The following CDH12 variants were observed in gnomAD, a reference collection of about 807,000 sequenced individuals.
The protein encoded by CDH12 is cadherin 12, also known as cadherin-12.
A neutral mutation model predicts 74.1 loss-of-function variants in CDH12; 41 were observed. That is an observed-to-expected ratio of 0.55 (90% confidence interval 0.43 to 0.72). The LOEUF (loss-of-function observed/expected upper bound fraction) is 0.72. CDH12 is among the 30% of genes least tolerant of loss of function. The pLI is 0.00. For missense variants in CDH12, 945 were observed against 977.2 expected (o/e 0.97, Z 0.44); for synonymous variants, 399 against 355.0 (o/e 1.12, Z -1.39).
At chr5:22,759,209 CA>C (rs909792025) in intron 1 of CDH12, among the ~76,000 whole-genome samples, 1 of 148,902 alleles carries the variant, frequency 6.7e-6, no homozygotes, top group Non-Finnish European at 1.5e-5. Context: ...AAAAAAAAAA[CA>C]AAAAAAAACT....
At chr5:22,107,356 T>G (rs1744519635) in intron 4 of CDH12, among the ~76,000 whole-genome samples, 1 of 151,750 alleles carries the variant, frequency 6.6e-6, no homozygotes, top group African/African-American at 2.4e-5. Flanking sequence ...GGTCTTGAAC[T>G]CCTGACCTCA....
At chr5:22,608,616 A>T (rs2126822989) in intron 1 of CDH12, among the ~76,000 whole-genome samples, 1 of 152,218 alleles carries the variant, frequency 6.6e-6, no homozygotes, top group East Asian at 1.9e-4. Flanking sequence ...AGGTAAAATG[A>T]TATGGTTTGG....
chr5:22,005,596 T>C (rs1174893143), intron 5 of CDH12, among the ~76,000 whole-genome samples: 1 of 151,218 alleles, frequency 6.6e-6, no homozygotes. Flanking sequence ...AAAAACCCAC[T>C]GGCCATTTTC....
intron 4 of CDH12, among the ~76,000 whole-genome samples, chr5:22,135,825 G>A (rs1275101196): frequency 6.6e-6 from 1 of 151,942 alleles, no homozygotes; most frequent in Non-Finnish European, 1.5e-5. Context: ...AAACAGTTGT[G>A]AGGTTACAGC....
chr5:22,378,041 C>T (rs74809890), intron 3 of CDH12, among the ~76,000 whole-genome samples: 17,541 of 152,078 alleles, frequency 0.12, 1,185 homozygotes, highest in South Asian at 0.16. Context: ...TGAATAATAA[C>T]GTGTTTTTTT....
intron 1 of CDH12, among the ~76,000 whole-genome samples, chr5:22,734,847 ATTG>A (rs1744605595): frequency 6.6e-6 from 1 of 151,972 alleles, no homozygotes; most frequent in African/African-American, 2.4e-5. Flanking sequence ...ACAACATAAC[ATTG>A]TTATGACCCC....
chr5:22,060,520 G>A lies in CDH12; in HGVS notation c.231+17926C>T, dbSNP rs546934815. Among the ~76,000 whole-genome samples, 760 of 150,698 alleles carry A rather than the reference G, an allele frequency of 5.0e-3. 8 individuals carry two copies. The highest frequency in any genetic ancestry group is 0.018 in the African/African-American group (728 of 41,002). ...AATTAAATAAAAACAATGAGAGAAAGGCAAGGAACTGTATTGACTAAGCAA... is the reference window on the plus strand; with the variant it reads ...AATTAAATAAAAACAATGAGAGAAAAGCAAGGAACTGTATTGACTAAGCAA... On this transcript the variant is annotated intron_variant, in intron 5 of 14. Coordinates refer to ENST00000382254, the MANE Select transcript of CDH12 (RefSeq NM_004061.5).
At chr5:22,436,628 C>T (rs186404195) in intron 2 of CDH12, among the ~76,000 whole-genome samples, 5 of 151,796 alleles carry the variant, frequency 3.3e-5, no homozygotes, top group East Asian at 1.9e-4. Context: ...CTAGGCAGCA[C>T]GCAAGGAGAA....
At chr5:22,132,200 T>A (rs1446763012) in intron 4 of CDH12, among the ~76,000 whole-genome samples, 1 of 151,722 alleles carries the variant, frequency 6.6e-6, no homozygotes, top group Non-Finnish European at 1.5e-5. Flanking sequence ...CCTTCCACTG[T>A]TGAGTGGAAG....
At chr5:22,800,508 C>T (rs1462623121) in intron 1 of CDH12, among the ~76,000 whole-genome samples, 1 of 152,070 alleles carries the variant, frequency 6.6e-6, no homozygotes, top group South Asian at 2.1e-4. Flanking sequence ...TCAACATCCC[C>T]AAAAAGAGTG....
At chr5:21,879,948 C>G (rs1210567888) in intron 6 of CDH12, among the ~76,000 whole-genome samples, 1 of 152,082 alleles carries the variant, frequency 6.6e-6, no homozygotes, top group South Asian at 2.1e-4. Context: ...GCAGTTTTGC[C>G]TGGTACAATT....
chr5:22,753,329 C>A (rs1428425956), intron 1 of CDH12, among the ~76,000 whole-genome samples: 3 of 150,528 alleles, frequency 2.0e-5, no homozygotes, highest in Non-Finnish European at 3.0e-5. Context: ...CCCAGCTACT[C>A]GGGAGGCTGA....
chr5:22,094,899 C>A (rs895014957), intron 4 of CDH12, among the ~76,000 whole-genome samples: 1 of 152,224 alleles, frequency 6.6e-6, no homozygotes, highest in African/African-American at 2.4e-5. Flanking sequence ...CCCTCTTTGA[C>A]TGTAATTTTC....
At chr5:22,481,897 AG>A (rs1355881232) in intron 2 of CDH12, among the ~76,000 whole-genome samples, 2 of 152,136 alleles carry the variant, frequency 1.3e-5, no homozygotes, top group Non-Finnish European at 2.9e-5. Context: ...AAACAAAACG[AG>A]GGGGTATGAG....
At chr5:22,844,071 AT>A (rs1227211194) in intron 1 of CDH12, among the ~76,000 whole-genome samples, 1 of 152,090 alleles carries the variant, frequency 6.6e-6, no homozygotes, top group African/African-American at 2.4e-5. Context: ...CTTCATCAAG[AT>A]AAAAAAGAGA....
chr5:22,683,296 T>G (rs1156318549), intron 1 of CDH12, among the ~76,000 whole-genome samples: 1 of 152,176 alleles, frequency 6.6e-6, no homozygotes, highest in Non-Finnish European at 1.5e-5. Flanking sequence ...TAAGGCTGAT[T>G]AATGATTTCA....
At chr5:22,455,896 C>T (rs1056409082) in intron 2 of CDH12, among the ~76,000 whole-genome samples, 1 of 152,052 alleles carries the variant, frequency 6.6e-6, no homozygotes, top group Non-Finnish European at 1.5e-5. Flanking sequence ...TCCAATAAAG[C>T]TAAGAAATTC....
chr5:22,227,404 T>C (rs147003273), intron 3 of CDH12, among the ~76,000 whole-genome samples: 75 of 152,258 alleles, frequency 4.9e-4, no homozygotes, highest in Admixed American at 1.4e-3. Flanking sequence ...GATAGAAACA[T>C]GTCAATAATT....
intron 1 of CDH12, among the ~76,000 whole-genome samples, chr5:22,797,271 A>C (rs1441781005): frequency 6.6e-6 from 1 of 151,892 alleles, no homozygotes; most frequent in East Asian, 1.9e-4. Flanking sequence ...ACCATCTATG[A>C]ACCAGGGAAC....
Sources: allele counts gnomAD v4.1 joint callset (sites outside exome capture counted in the v4.1 genomes callset), GRCh38; gene constraint gnomAD v4.1.1; transcripts MANE v1.5; gene names NCBI Gene and HGNC (gene_info 2026-07-23, HGNC 2026-07-21).